Variants in ADARB2 observed in about 807,000 individuals in gnomAD.
ADARB2 encodes adenosine deaminase RNA specific B2 (inactive).
A neutral mutation model predicts 62.2 loss-of-function variants in ADARB2; 25 were observed. The observed-to-expected ratio is 0.40, with a 90% confidence interval of 0.29 to 0.56. The LOEUF (loss-of-function observed/expected upper bound fraction) is 0.56. Ranked by LOEUF, ADARB2 falls within the 20% of genes least tolerant of loss-of-function variation. The pLI, the probability that ADARB2 is intolerant of heterozygous loss-of-function variation, is 0.43. For synonymous variants in ADARB2, 572 were observed against 500.8 expected (o/e 1.14, Z -1.90); for missense variants, 1,071 against 1,077.4 (o/e 0.99, Z 0.08).
chr10:1,518,839 G>T (rs1832038775), intron 1 of ADARB2, among the ~76,000 whole-genome samples: 1 of 151,868 alleles, frequency 6.6e-6, no homozygotes, highest in East Asian at 1.9e-4. Flanking sequence ...TGCATTCCAT[G>T]TAACGTCTGC....
At chr10:1,316,528 A>G (rs1326888707) in intron 3 of ADARB2, among the ~76,000 whole-genome samples, 2 of 152,236 alleles carry the variant, frequency 1.3e-5, no homozygotes, top group Non-Finnish European at 2.9e-5. Flanking sequence ...AAATAATCCC[A>G]GTCATTCTGG....
rs1834859432 is a variant in ADARB2 at position 1,704,222 on chromosome 10, C to G, written c.100+32829G>C. On this transcript the variant is annotated intron_variant, in intron 1 of 9. Transcript: ENST00000381312. The surrounding 1 kb of genome is among the most constrained non-coding windows in gnomAD (Gnocchi z 5.6). ...CTGCAGGGATGGTTTCAGGATGATT[C>G]AAGCACATTATATTTATTGTGCACT... Among the ~76,000 whole-genome samples the G allele has an allele frequency of 6.6e-6, 1 of 152,116 alleles. No homozygotes were observed. Among genetic ancestry groups the G allele is most frequent in the African/African-American group, 2.4e-5 (1 of 41,430 alleles).
At chr10:1,514,560 G>A (rs1161069680) in intron 1 of ADARB2, among the ~76,000 whole-genome samples, 4 of 152,080 alleles carry the variant, frequency 2.6e-5, no homozygotes, top group African/African-American at 4.8e-5. Context: ...GTTCCCTCCA[G>A]ATGTGTCCAG....
chr10:1,223,406 A>G (rs1830714425), intron 6 of ADARB2, among the ~76,000 whole-genome samples: 1 of 152,082 alleles, frequency 6.6e-6, no homozygotes, highest in Non-Finnish European at 1.5e-5. Flanking sequence ...AATAACCTTT[A>G]TTTCCTTCTC....
intron 1 of ADARB2, among the ~76,000 whole-genome samples, chr10:1,386,934 T>C (rs189036268): frequency 4.6e-5 from 7 of 152,002 alleles, no homozygotes; most frequent in African/African-American, 1.4e-4. Flanking sequence ...GGCCACAATA[T>C]AGTTATGTTA....
chr10:1,223,783 A>G (rs1209235453), intron 6 of ADARB2, among the ~76,000 whole-genome samples: 5 of 152,168 alleles, frequency 3.3e-5, no homozygotes, highest in African/African-American at 1.2e-4. Context: ...CCACTTGATC[A>G]TGGTGGATGA....
intron 1 of ADARB2, among the ~76,000 whole-genome samples, chr10:1,442,076 A>C (rs946548199): frequency 1.3e-5 from 2 of 152,220 alleles, no homozygotes; most frequent in African/African-American, 4.8e-5. Flanking sequence ...CATAACTATA[A>C]AGTTAAATAC....
chr10:1,185,002 C>A lies in ADARB2; in HGVS notation c.1902G>T (p.Ser634=), dbSNP rs370602765. 32 of 1,613,172 alleles carry A rather than the reference C, an allele frequency of 2.0e-5. No individual in the cohort carries two copies. Among genetic ancestry groups the A allele is most frequent in the Admixed American group, 6.7e-5 (4 of 59,994 alleles). The change falls in exon 9 of 10, where the codon TCG becomes TCT. Residue 634 remains serine (S), a synonymous_variant. Transcript: ENST00000381312. ...SDAEARQPGK[S]PPFSMNWVVG... is the part of the protein sequence containing the mutation. Reference sequence around the variant, plus strand: ...CGACCCAGTTCATGCTGAAGGGGGGCGACTTCCCCGGCTGGCGCGCCTCGG... The same window carrying A: ...CGACCCAGTTCATGCTGAAGGGGGGAGACTTCCCCGGCTGGCGCGCCTCGG...
chr10:1,314,944 C>G (rs1000676259), intron 3 of ADARB2, among the ~76,000 whole-genome samples: 2 of 152,178 alleles, frequency 1.3e-5, no homozygotes, highest in Non-Finnish European at 2.9e-5. Flanking sequence ...CTAATGGGAA[C>G]AGGGAAGTTC....
At position 1,558,445 on chromosome 10, in the gene ADARB2, A is replaced by AC. The variant is rs1469606828; in HGVS notation, c.100+178605_100+178606insG. On this transcript the variant is annotated intron_variant, in intron 1 of 9. Transcript: ENST00000381312. The stretch of plus-strand genomic sequence containing the variant: ...CTCAGCACCCCCATGCCCCATCTAA[A>AC]TCCACATCCCACCTCTGCCCCCCTC... 8.0e-3 allele frequency among the ~76,000 whole-genome samples: 861 copies of AC among 108,096 alleles called. 5 individuals are homozygous for AC. The highest frequency in any genetic ancestry group is 0.014 in the Non-Finnish European group (708 of 51,950). The allele number at this position is 108,096 out of a possible 152,430, so 70.9% of individuals were successfully genotyped here.
chr10:1,609,165 C>T (rs920699918), intron 1 of ADARB2, among the ~76,000 whole-genome samples: 8 of 152,212 alleles, frequency 5.3e-5, no homozygotes, highest in Non-Finnish European at 1.0e-4. Flanking sequence ...TTTTCGGATT[C>T]GCTCAGCTCA....
intron 4 of ADARB2, among the ~76,000 whole-genome samples, chr10:1,256,258 C>T (rs1287163482): frequency 5.9e-5 from 9 of 152,234 alleles, no homozygotes; most frequent in African/African-American, 1.7e-4. Context: ...CTTTCCAACT[C>T]TCCCCGCTAC....
intron 4 of ADARB2, among the ~76,000 whole-genome samples, chr10:1,253,808 G>A (rs1831056248): frequency 6.6e-6 from 1 of 152,232 alleles, no homozygotes; most frequent in African/African-American, 2.4e-5. Flanking sequence ...CGTAAAGGAG[G>A]AAGAGTAGCT....
At chr10:1,274,531 G>A (rs2131801030) in intron 3 of ADARB2, among the ~76,000 whole-genome samples, 1 of 152,092 alleles carries the variant, frequency 6.6e-6, no homozygotes, top group East Asian at 1.9e-4. Context: ...AGGCCTCTCT[G>A]TGTCACTTTG....
chr10:1,423,641 C>T (rs1564285849), intron 1 of ADARB2, among the ~76,000 whole-genome samples: 1 of 151,978 alleles, frequency 6.6e-6, no homozygotes, highest in Non-Finnish European at 1.5e-5. Flanking sequence ...ACTATGTATG[C>T]AGTAAGATCA....
At chr10:1,687,830 CA>C (rs1168812125) in intron 1 of ADARB2, among the ~76,000 whole-genome samples, 2 of 152,106 alleles carry the variant, frequency 1.3e-5, no homozygotes, top group Non-Finnish European at 2.9e-5. Context: ...AACCACCCAC[CA>C]TGTGCCTCCA....
chr10:1,672,449 G>A (rs1451753036), intron 1 of ADARB2, among the ~76,000 whole-genome samples: 1 of 152,190 alleles, frequency 6.6e-6, no homozygotes, highest in Non-Finnish European at 1.5e-5. Context: ...ATACTGAGAA[G>A]GAAAACAAAA....
Position 1,183,162 on chromosome 10 carries a change from C to A in ADARB2, c.*31G>T, listed in dbSNP as rs754354574. The A allele has an allele frequency of 6.2e-7, 1 of 1,607,342 alleles. No homozygotes were observed. The highest frequency in any genetic ancestry group is 8.5e-7 in the Non-Finnish European group (1 of 1,176,406). On this transcript the variant is annotated 3_prime_UTR_variant, in exon 10 of 10. Transcript: ENST00000381312. ...ACACGGTCCCATCCCTCCAGCGTCCCGCTCAGCTCCAGCAGCCAGGAGCCC... is the reference window on the plus strand; with the variant it reads ...ACACGGTCCCATCCCTCCAGCGTCCAGCTCAGCTCCAGCAGCCAGGAGCCC...
At chr10:1,224,167 C>T (rs568928157) in intron 6 of ADARB2, among the ~76,000 whole-genome samples, 23 of 152,216 alleles carry the variant, frequency 1.5e-4, no homozygotes, top group Non-Finnish European at 2.2e-4. Flanking sequence ...ATGTATGTGT[C>T]GAGGAATTTA....
Sources: allele counts gnomAD v4.1 joint callset (sites outside exome capture counted in the v4.1 genomes callset), GRCh38; gene constraint gnomAD v4.1.1; non-coding constraint Gnocchi (gnomAD v3.1); transcripts MANE v1.5; gene names NCBI Gene and HGNC (gene_info 2026-07-23, HGNC 2026-07-21).